Variants in ATRNL1 observed in about 807,000 individuals in gnomAD.
ATRNL1 encodes attractin-like protein 1.
ATRNL1 carries 95 observed loss-of-function variants against 182.7 expected under a neutral mutation model. That is an observed-to-expected ratio of 0.52 (90% CI 0.44 to 0.62). The LOEUF (loss-of-function observed/expected upper bound fraction) is 0.62, where lower values mean the gene tolerates loss of function less well. Among genes scored for constraint, ATRNL1 ranks in the 20% least tolerant of loss-of-function variants. The probability of loss-of-function intolerance (pLI) is 0.00; values close to 1 mark genes in which losing one functional copy is unlikely to be tolerated. For missense variants in ATRNL1, 1,471 were observed against 1,679.5 expected (o/e 0.88, Z 2.17); for synonymous variants, 576 against 568.3 (o/e 1.01, Z -0.19).
chr10:115,240,374 C>T (rs1320997735), intron 9 of ATRNL1, among the ~76,000 whole-genome samples: 3 of 151,874 alleles, frequency 2.0e-5, no homozygotes, highest in African/African-American at 7.3e-5. Context: ...GCCTCAGCCT[C>T]CCGAGTAGCT....
chr10:115,826,777 G>C (rs1414438657), intron 27 of ATRNL1, among the ~76,000 whole-genome samples: 1 of 152,054 alleles, frequency 6.6e-6, no homozygotes, highest in Non-Finnish European at 1.5e-5. Context: ...GCAGGCTGTA[G>C]GTAATCTTAG....
At chr10:115,222,125 A>G (rs1849492149) in intron 9 of ATRNL1, among the ~76,000 whole-genome samples, 1 of 151,968 alleles carries the variant, frequency 6.6e-6, no homozygotes, top group South Asian at 2.1e-4. Flanking sequence ...ACTCATACTT[A>G]TGAATCAAAT....
At chr10:115,691,327 G>A (rs1946387505) in intron 26 of ATRNL1, among the ~76,000 whole-genome samples, 1 of 152,178 alleles carries the variant, frequency 6.6e-6, no homozygotes, top group Non-Finnish European at 1.5e-5. Flanking sequence ...TAACAAGTGT[G>A]AGGTGATAGC....
chr10:115,573,173 T>G (rs1555003978), intron 26 of ATRNL1, among the ~76,000 whole-genome samples: 1 of 152,096 alleles, frequency 6.6e-6, no homozygotes, highest in East Asian at 1.9e-4. Context: ...GTGCAAGGTT[T>G]TATTGAGTGG....
At chr10:115,731,497 C>T (rs1947796601) in intron 27 of ATRNL1, among the ~76,000 whole-genome samples, 1 of 151,824 alleles carries the variant, frequency 6.6e-6, no homozygotes, top group Non-Finnish European at 1.5e-5. Context: ...TTTTGTATGA[C>T]TTTTTGCAGA....
chr10:115,462,752 C>T (rs1847878450), intron 22 of ATRNL1, among the ~76,000 whole-genome samples: 1 of 151,918 alleles, frequency 6.6e-6, no homozygotes, highest in African/African-American at 2.4e-5. Context: ...TGAATGATGG[C>T]TCCTTTAATG....
intron 8 of ATRNL1, among the ~76,000 whole-genome samples, chr10:115,191,673 G>C (rs950506184): frequency 2.0e-5 from 3 of 151,918 alleles, no homozygotes; most frequent in Admixed American, 2.0e-4. Flanking sequence ...AGATCTGATG[G>C]TTTTATAAGT....
At chr10:115,642,024 G>T (rs151141536) in intron 26 of ATRNL1, among the ~76,000 whole-genome samples, 1 of 151,882 alleles carries the variant, frequency 6.6e-6, no homozygotes, top group Non-Finnish European at 1.5e-5. Context: ...AAATAAACAC[G>T]CAGAGCAATA....
At chr10:115,097,387 G>A (rs1414907877) in intron 1 of ATRNL1, among the ~76,000 whole-genome samples, 2 of 152,184 alleles carry the variant, frequency 1.3e-5, no homozygotes, top group Non-Finnish European at 2.9e-5. Context: ...AAGAGAGAGT[G>A]AGGCGGAAGA....
intron 8 of ATRNL1, among the ~76,000 whole-genome samples, chr10:115,202,916 T>C (rs1189573485): frequency 6.6e-6 from 1 of 150,422 alleles, no homozygotes; most frequent in Non-Finnish European, 1.5e-5. Flanking sequence ...CAGAGCCTGT[T>C]ATTGGTCTAT....
chr10:115,103,121 C>G (rs1843850211), intron 1 of ATRNL1, among the ~76,000 whole-genome samples: 1 of 151,246 alleles, frequency 6.6e-6, no homozygotes, highest in South Asian at 2.1e-4. Flanking sequence ...CAATGCAACC[C>G]CTGCTTCCTG....
chr10:115,668,553 A>T (rs1555040409), intron 26 of ATRNL1, among the ~76,000 whole-genome samples: 1 of 152,156 alleles, frequency 6.6e-6, no homozygotes, highest in South Asian at 2.1e-4. Flanking sequence ...TTATTTCAAA[A>T]TGAAATCTTC....
intron 27 of ATRNL1, among the ~76,000 whole-genome samples, chr10:115,811,104 A>T (rs1277629268): frequency 6.6e-6 from 1 of 151,934 alleles, no homozygotes; most frequent in Non-Finnish European, 1.5e-5. Flanking sequence ...CTTTCTTAGT[A>T]TAAGCATTTA....
intron 27 of ATRNL1, among the ~76,000 whole-genome samples, chr10:115,832,305 C>G (rs2907560): frequency 0.26 from 39,071 of 152,048 alleles, 5,760 homozygotes; most frequent in African/African-American, 0.41. Context: ...TCATCTTGGT[C>G]AGGAGCTGCC....
At chr10:115,927,961 T>A (rs1589706713) in intron 28 of ATRNL1, among the ~76,000 whole-genome samples, 1 of 151,998 alleles carries the variant, frequency 6.6e-6, no homozygotes, top group South Asian at 2.1e-4. Flanking sequence ...ATTTTTGTGG[T>A]GGTTTCCAAT....
intron 15 of ATRNL1, 109 bp from the exon 16 acceptor site, chr10:115,299,925 T>G (rs1303749076): frequency 1.3e-6 from 1 of 741,432 alleles, no homozygotes; most frequent in East Asian, 2.7e-5. Flanking sequence ...AAAGGCAGCT[T>G]TATATATTTT....
intron 20 of ATRNL1, among the ~76,000 whole-genome samples, chr10:115,405,995 A>G (rs1554958161): frequency 6.6e-6 from 1 of 151,824 alleles, no homozygotes; most frequent in East Asian, 1.9e-4. Flanking sequence ...TTCTAGCTTC[A>G]TCCATGTCCC....
intron 2 of ATRNL1, among the ~76,000 whole-genome samples, chr10:115,120,924 GT>G (rs1649291318): frequency 6.6e-6 from 1 of 152,060 alleles, no homozygotes; most frequent in Non-Finnish European, 1.5e-5. Context: ...AATTTAAATA[GT>G]TTTTTAGTGC....
At chr10:115,315,769 T>C in intron 18 of ATRNL1, 33 bp downstream of exon 18, 1 of 1,562,398 alleles carries the variant, frequency 6.4e-7, no homozygotes, top group Non-Finnish European at 8.8e-7. Flanking sequence ...AATTTCAGTT[T>C]CTGCTTAAGG....
Sources: gnomAD v4.1 joint callset for allele counts (sites outside exome capture counted in the v4.1 genomes callset) on GRCh38, gnomAD v4.1.1 for gene constraint, MANE v1.5 for transcripts, NCBI Gene and HGNC (gene_info 2026-07-23, HGNC 2026-07-21) for gene names.